Variants in SCN1B observed in about 807,000 individuals in gnomAD.
SCN1B encodes sodium voltage-gated channel beta subunit 1.
Under a neutral mutation model 25.7 loss-of-function variants are expected in SCN1B, and 11 were observed. The observed-to-expected ratio is 0.43, with a 90% CI of 0.27 to 0.71. SCN1B has a LOEUF of 0.71. Ranked by LOEUF, SCN1B falls within the 30% of genes least tolerant of loss-of-function variation. The probability of loss-of-function intolerance (pLI) is 0.21; values close to 1 mark genes in which losing one functional copy is unlikely to be tolerated. For missense variants in SCN1B, 224 were observed against 291.5 expected, an observed-to-expected ratio of 0.77 and a Z score of 1.69; for synonymous variants, 119 against 117.5, an observed-to-expected ratio of 1.01 and a Z score of -0.08.
chr19:35,039,451 A>C (rs1484698030), intron 4 of SCN1B, 184 bp from the exon 5 acceptor site: 13 of 978,646 alleles, frequency 1.3e-5, no homozygotes, highest in Admixed American at 2.1e-5. Flanking sequence ...CCTCCCTCCA[A>C]CTCAGGAGCC....
At chr19:35,033,986 T>C in intron 3 of SCN1B, 1 of 1,551,262 alleles carries the variant, frequency 6.4e-7, no homozygotes, top group Non-Finnish European at 8.7e-7. Context: ...AGAACCCAGC[T>C]CTGTCACCTG....
chr19:35,033,952 G>C lies in SCN1B; in HGVS notation c.448+213G>C, dbSNP rs2064232193. On this transcript the variant is annotated intron_variant, in intron 3 of 5. Transcript: ENST00000262631. ...CCCACGGAGAGGTCAAAGCATGCCTGTCCCCCACAGACGCTCCGGGTACAG... is the reference window on the plus strand; with the variant it reads ...CCCACGGAGAGGTCAAAGCATGCCTCTCCCCCACAGACGCTCCGGGTACAG... The C allele has an allele frequency of 7.7e-6, 12 of 1,553,984 alleles. No homozygotes were observed. Among genetic ancestry groups the C allele is most frequent in the Non-Finnish European group, 1.0e-5 (12 of 1,148,088 alleles).
At position 35,039,942 on chromosome 19, in the gene SCN1B, G is replaced by T. The variant is rs2064276162; in HGVS notation, c.*151G>T. 1.7e-6 allele frequency: 1 copy of T among 583,962 alleles called. No individual in the cohort carries two copies. The highest frequency in any genetic ancestry group is 1.9e-5 in the African/African-American group (1 of 53,428). 36.2% of individuals were successfully genotyped at this position (583,962 alleles called of 1,614,324 possible). ...GCCACTGGGGTGGGAGGGGGCAGGG[G>T]GCTTGGCTCGCACCCCCACTTTCGC... On this transcript the variant is annotated 3_prime_UTR_variant, in exon 6 of 6. Transcript: ENST00000262631.
At chr19:35,039,460 C>A in intron 4 of SCN1B, 175 bp from the exon 5 acceptor site, 1 of 961,966 alleles carries the variant, frequency 1.0e-6, no homozygotes, top group South Asian at 1.4e-5. Flanking sequence ...AACTCAGGAG[C>A]CCAGGCTCCC....
At position 35,033,481 on chromosome 19, in the gene SCN1B, C is replaced by G; in HGVS notation, c.208-18C>G. The G allele has an allele frequency of 4.3e-6, 7 of 1,613,384 alleles. No individual in the cohort carries two copies. The highest frequency in any genetic ancestry group is 5.9e-6 in the Non-Finnish European group (7 of 1,179,844). ...GAGGCCCAGGCAGTGACACCTTCCC[C>G]TCCCTGGCTACCCCTAGATCCTGCG... is the stretch of plus-strand genomic sequence containing the variant. On this transcript the variant is annotated intron_variant, in intron 2 of 5. Transcript: ENST00000262631.
In SCN1B at chr19:35,039,931, A is replaced by T; in HGVS notation, c.*140A>T. On this transcript the variant is annotated 3_prime_UTR_variant, in exon 6 of 6. Transcript: ENST00000262631. ...CTGCCGACGGAGCCACTGGGGTGGG[A>T]GGGGGCAGGGGGCTTGGCTCGCACC... The T allele has an allele frequency of 1.7e-6, 1 of 587,910 alleles. No homozygotes were observed. The allele number at this position is 587,910 out of a possible 1,614,324, so 36.4% of individuals were successfully genotyped here. A position where few individuals can be genotyped will look rare whatever the true frequency, so the allele number is the denominator to read the frequency against.
At position 35,032,831 on chromosome 19, in the gene SCN1B, C is replaced by T. The variant is rs72550253; in HGVS notation, c.207+137C>T. 2.8e-4 allele frequency: 300 copies of T among 1,074,522 alleles called. 1 individual carries two copies. The highest frequency in any genetic ancestry group is 3.9e-4 in the Non-Finnish European group (290 of 735,028). The allele number at this position is 1,074,522 out of a possible 1,614,324, so 66.6% of individuals were successfully genotyped here. On this transcript the variant is annotated intron_variant, in intron 2 of 5. Coordinates refer to ENST00000262631, the MANE Select transcript of SCN1B (RefSeq NM_001037.5). This position sits in a 1 kb window ranked among gnomAD's most constrained non-coding sequence, Gnocchi z 4.3. ...GACCTGGATTCAGATTCTGGCTCCA[C>T]CAGTGGCCAGCTGGTGACCTTGGCC...
At chr19:35,038,889 G>A (rs1020275867) in intron 3 of SCN1B, 3 of 579,172 alleles carry the variant, frequency 5.2e-6, no homozygotes, top group East Asian at 3.2e-5. Flanking sequence ...TTTAGGCACC[G>A]TGCTGAGGGC....
chr19:35,039,905 C>T lies in SCN1B; in HGVS notation c.*114C>T, dbSNP rs1416962977. On this transcript the variant is annotated 3_prime_UTR_variant, in exon 6 of 6. Coordinates refer to ENST00000262631, the MANE Select transcript of SCN1B (RefSeq NM_001037.5). The stretch of plus-strand genomic sequence containing the variant: ...CCTGGGCCCCAGAAAGCCTCAGAGT[C>T]CTGCCGACGGAGCCACTGGGGTGGG... 6 of 615,054 alleles carry T rather than the reference C, an allele frequency of 9.8e-6. No individual in the cohort carries two copies. The highest frequency in any genetic ancestry group is 1.7e-5 in the Non-Finnish European group (6 of 349,838). 38.1% of individuals were successfully genotyped at this position (615,054 alleles called of 1,614,324 possible). A position where few individuals can be genotyped will look rare whatever the true frequency, so the allele number is the denominator to read the frequency against.
chr19:35,033,615 C>T lies in SCN1B; in HGVS notation c.324C>T (p.Ile108=). 6.2e-7 allele frequency: 1 copy of T among 1,614,194 alleles called. No individual in the cohort carries two copies. Among genetic ancestry groups the T allele is most frequent in the African/African-American group, 1.3e-5 (1 of 75,046 alleles). ...TKDLQDLSIF[I]TNVTYNHSGD... ...ACCTGCAGGATCTGTCTATCTTCAT[C>T]ACCAATGTCACCTACAACCACTCGG... Residue 108 remains isoleucine, a synonymous_variant, in exon 3 of 6, where the codon ATC becomes ATT. Coordinates refer to ENST00000262631, the MANE Select transcript of SCN1B (RefSeq NM_001037.5).
chr19:35,031,305 T>C (rs1377786054), intron 1 of SCN1B: 2 of 129,170 alleles, frequency 1.5e-5, no homozygotes, highest in Non-Finnish European at 3.3e-5. Flanking sequence ...AGTGGTCCGC[T>C]GGGATGCTGG....
chr19:35,033,919 C>G, intron 3 of SCN1B, 180 bp downstream of exon 3: 4 of 1,569,792 alleles, frequency 2.5e-6, no homozygotes, highest in Non-Finnish European at 3.5e-6. Context: ...GCCTCTGTTT[C>G]TCTCCAGCCC....
chr19:35,039,936 GC>G lies in SCN1B; in HGVS notation c.*146del. 3.4e-6 allele frequency: 2 copies of G among 590,450 alleles called. No homozygotes were observed. Among genetic ancestry groups the G allele is most frequent in the African/African-American group, 1.9e-5 (1 of 53,616 alleles). The allele number at this position is 590,450 out of a possible 1,614,324, so 36.6% of individuals were successfully genotyped here. On this transcript the variant is annotated 3_prime_UTR_variant, in exon 6 of 6. Coordinates refer to ENST00000262631, the MANE Select transcript of SCN1B (RefSeq NM_001037.5). ...GACGGAGCCACTGGGGTGGGAGGGG[GC>G]AGGGGGCTTGGCTCGCACCCCCACT... is the stretch of plus-strand genomic sequence containing the variant.
chr19:35,032,707 C>T lies in SCN1B; in HGVS notation c.207+13C>T, dbSNP rs373809858. On this transcript the variant is annotated intron_variant, in intron 2 of 5. Transcript: ENST00000262631. The surrounding 1 kb of genome is among the most constrained non-coding windows in gnomAD (Gnocchi z 4.3). Reference sequence around the variant, plus strand: ...GGAGTTTGTCAAGGTGTGCGGGTGCCGGGAACGGGCATGGGAGGGCAGGGG... The same window carrying T: ...GGAGTTTGTCAAGGTGTGCGGGTGCTGGGAACGGGCATGGGAGGGCAGGGG... 59 of 1,612,900 alleles carry T rather than the reference C, an allele frequency of 3.7e-5. No homozygotes were observed. The highest frequency in any genetic ancestry group is 2.5e-4 in the Admixed American group (15 of 59,990).
chr19:35,030,797 G>A lies in SCN1B; in HGVS notation c.-24G>A. The A allele has an allele frequency of 1.9e-6, 2 of 1,032,200 alleles. No homozygotes were observed. The highest frequency in any genetic ancestry group is 2.5e-6 in the Non-Finnish European group (2 of 801,162). 63.9% of individuals were successfully genotyped at this position (1,032,200 alleles called of 1,614,324 possible). On this transcript the variant is annotated 5_prime_UTR_variant, in exon 1 of 6. Transcript: ENST00000262631. Reference sequence around the variant, plus strand: ...TATTAATACCGGCGGCCCGGGAGGGGGGCGCAGCACGCGCCGCGCAGCCAT... The same window carrying A: ...TATTAATACCGGCGGCCCGGGAGGGAGGCGCAGCACGCGCCGCGCAGCCAT...
intron 3 of SCN1B, chr19:35,035,064 G>C (rs1024653608): frequency 1.3e-5 from 2 of 152,224 alleles, no homozygotes; most frequent in Non-Finnish European, 2.9e-5. Context: ...ATGGAGCCCC[G>C]CCTGCGGAGT....
In SCN1B at chr19:35,033,787, A is replaced by C. The variant is rs757515975; in HGVS notation, c.448+48A>C. On this transcript the variant is annotated intron_variant, in intron 3 of 5. Coordinates refer to ENST00000262631, the MANE Select transcript of SCN1B (RefSeq NM_001037.5). ...CTTTACCGTCACCCACCGGAGAGCC[A>C]GATGGAGGGACAGATGGCAGGCAGT... is the stretch of plus-strand genomic sequence containing the variant. 69 of 1,613,522 alleles carry C rather than the reference A, an allele frequency of 4.3e-5. No homozygotes were observed. The highest frequency in any genetic ancestry group is 5.7e-5 in the Non-Finnish European group (67 of 1,180,036).
At chr19:35,034,725 C>T (rs1192539076) in intron 3 of SCN1B, 1 of 152,952 alleles carries the variant, frequency 6.5e-6, no homozygotes, top group African/African-American at 2.4e-5. Context: ...CTTAGTGAAT[C>T]CTCTCCCCAC....
intron 3 of SCN1B, chr19:35,038,832 C>T: frequency 2.1e-6 from 1 of 481,336 alleles, no homozygotes; most frequent in South Asian, 2.0e-5. Flanking sequence ...TGGCCAGTGG[C>T]AGAGCCAGCC....
Sources: allele counts gnomAD v4.1 joint callset, GRCh38; gene constraint gnomAD v4.1.1; non-coding constraint Gnocchi (gnomAD v3.1); transcripts MANE v1.5; gene names NCBI Gene and HGNC (gene_info 2026-07-23, HGNC 2026-07-21).